Variants in SH3BGRL2 observed in about 807,000 individuals in gnomAD.
SH3BGRL2 encodes SH3 domain binding glutamate rich protein like 2.
A neutral mutation model predicts 14.8 loss-of-function variants in SH3BGRL2; 21 were observed. The observed-to-expected ratio is 1.42, with a 90% CI of 1.01 to 2.05. The LOEUF (loss-of-function observed/expected upper bound fraction) is 2.05, where lower values mean the gene tolerates loss of function less well. SH3BGRL2 is among the 30% of genes most tolerant of loss of function. The probability of loss-of-function intolerance (pLI) is 0.00; values close to 1 mark genes in which losing one functional copy is unlikely to be tolerated. For missense variants in SH3BGRL2, 147 were observed against 130.8 expected, an observed-to-expected ratio of 1.12 and a Z score of -0.61; for synonymous variants, 50 against 47.8, an observed-to-expected ratio of 1.05 and a Z score of -0.19.
intron 1 of SH3BGRL2, among the ~76,000 whole-genome samples, chr6:79,648,146 T>C (rs1769179369): frequency 6.6e-6 from 1 of 150,480 alleles, no homozygotes; most frequent in African/African-American, 2.4e-5. Context: ...AAAACTTCAC[T>C]GACCTTTCAG....
At chr6:79,599,929 G>T in the SH3BGRL2 span, among the ~76,000 whole-genome samples, 1 of 152,140 alleles carries the variant, frequency 6.6e-6, no homozygotes, top group Non-Finnish European at 1.5e-5. Flanking sequence ...CCTAATTAGC[G>T]AAAATGAGTT....
chr6:79,637,468 G>A lies in SH3BGRL2; in HGVS notation c.45+5962G>A, dbSNP rs1450555863. Among the ~76,000 whole-genome samples the A allele has an allele frequency of 3.3e-5, 5 of 152,126 alleles. No homozygotes were observed. In the South Asian group the frequency reaches 8.3e-4, roughly 25 times the overall value. On this transcript the variant is annotated intron_variant, in intron 1 of 3. Transcript: ENST00000369838. ...AGCACTTTGGGAGGCTGAGGCAGGT[G>A]GATCACGAGGTCAGGAGTTCGAGAC...
chr6:79,580,422 C>T, the SH3BGRL2 span, among the ~76,000 whole-genome samples: 1 of 152,132 alleles, frequency 6.6e-6, no homozygotes, highest in Non-Finnish European at 1.5e-5. Flanking sequence ...TGTAAAAGAA[C>T]AGAAATCACA....
At chr6:79,562,278 G>A in the SH3BGRL2 span, among the ~76,000 whole-genome samples, 2 of 152,008 alleles carry the variant, frequency 1.3e-5, no homozygotes, top group African/African-American at 4.8e-5. Context: ...TTTGTGAAAT[G>A]GAGAAGATAC....
intron 2 of SH3BGRL2, among the ~76,000 whole-genome samples, chr6:79,681,107 G>A (rs1452405946): frequency 6.6e-6 from 1 of 152,198 alleles, no homozygotes; most frequent in Non-Finnish European, 1.5e-5. Context: ...TTTGACTGAG[G>A]ATGCCATATC....
intron 1 of SH3BGRL2, among the ~76,000 whole-genome samples, chr6:79,651,578 T>C (rs1245752404): frequency 7.0e-6 from 1 of 143,624 alleles, no homozygotes; most frequent in African/African-American, 2.5e-5. Context: ...AGAAAGTAGT[T>C]AGAGCCACTT....
At chr6:79,692,326 A>G (rs891294719) in intron 2 of SH3BGRL2, among the ~76,000 whole-genome samples, 8 of 152,172 alleles carry the variant, frequency 5.3e-5, no homozygotes, top group African/African-American at 1.2e-4. Context: ...CTCTGATGGT[A>G]GTTTCTTTTG....
At chr6:79,671,055 T>C (rs1227674841) in intron 1 of SH3BGRL2, among the ~76,000 whole-genome samples, 2 of 152,126 alleles carry the variant, frequency 1.3e-5, no homozygotes, top group African/African-American at 4.8e-5. Flanking sequence ...GCCTTCTGTA[T>C]TTAGAAAGAG....
At chr6:79,651,174 T>A (rs1300230602) in intron 1 of SH3BGRL2, among the ~76,000 whole-genome samples, 1 of 152,182 alleles carries the variant, frequency 6.6e-6, no homozygotes, top group East Asian at 1.9e-4. Flanking sequence ...GCTGGAGTCC[T>A]GCAATTCTTG....
chr6:79,613,473 T>C, the SH3BGRL2 span, among the ~76,000 whole-genome samples: 1 of 152,212 alleles, frequency 6.6e-6, no homozygotes, highest in Admixed American at 6.5e-5. Context: ...AGTAGAGTTA[T>C]ACCCTTTCTC....
rs565755697 is a variant in SH3BGRL2 at position 79,671,180 on chromosome 6, G to T, written c.46-2434G>T. On this transcript the variant is annotated intron_variant, in intron 1 of 3. Coordinates refer to ENST00000369838, the MANE Select transcript of SH3BGRL2 (RefSeq NM_031469.4). ...TTCCACCCATGGATCAAATGACATA[G>T]ATGAGGTCAGGCACGGTGGCTCACG... is the stretch of plus-strand genomic sequence containing the variant. Among the ~76,000 whole-genome samples, 120 of 152,188 alleles carry T rather than the reference G, an allele frequency of 7.9e-4. 1 individual carries two copies. Among genetic ancestry groups the T allele is most frequent in the African/African-American group, 2.8e-3 (118 of 41,540 alleles).
the SH3BGRL2 span, among the ~76,000 whole-genome samples, chr6:79,551,851 A>AGGCC: frequency 2.0e-5 from 3 of 152,164 alleles, no homozygotes; most frequent in African/African-American, 7.2e-5. Flanking sequence ...GCACTTTGGG[A>AGGCC]GGCCAAGGTG....
chr6:79,698,136 G>A (rs754833205), intron 3 of SH3BGRL2, among the ~76,000 whole-genome samples: 8 of 152,080 alleles, frequency 5.3e-5, no homozygotes, highest in African/African-American at 1.7e-4. Flanking sequence ...TCAGCCCACC[G>A]TTTTCAGGGA....
chr6:79,604,096 C>T, the SH3BGRL2 span, among the ~76,000 whole-genome samples: 9 of 152,276 alleles, frequency 5.9e-5, no homozygotes, highest in South Asian at 6.2e-4. Flanking sequence ...TGAGCCACCA[C>T]GCCTGGCCTG....
the SH3BGRL2 span, among the ~76,000 whole-genome samples, chr6:79,559,211 C>G: frequency 2.8e-4 from 42 of 152,116 alleles, no homozygotes; most frequent in Admixed American, 2.8e-3. Context: ...CGCCTGTAAT[C>G]CCAGCACTTT....
At chr6:79,671,596 TA>T (rs142281520) in intron 1 of SH3BGRL2, among the ~76,000 whole-genome samples, 6 of 152,174 alleles carry the variant, frequency 3.9e-5, no homozygotes, top group Non-Finnish European at 8.8e-5. Context: ...GTGGGGAGAA[TA>T]AAAAAATTCA....
chr6:79,632,768 G>T (rs556840133), intron 1 of SH3BGRL2, among the ~76,000 whole-genome samples: 1 of 152,304 alleles, frequency 6.6e-6, no homozygotes, highest in East Asian at 1.9e-4. Flanking sequence ...TATTTGGGTT[G>T]CTTAGTCATG....
At chr6:79,584,456 A>T in the SH3BGRL2 span, among the ~76,000 whole-genome samples, 2 of 152,222 alleles carry the variant, frequency 1.3e-5, no homozygotes, top group Non-Finnish European at 2.9e-5. Context: ...GCAACACTGT[A>T]GACCTTCCTG....
At chr6:79,579,649 G>A in the SH3BGRL2 span, among the ~76,000 whole-genome samples, 2 of 152,116 alleles carry the variant, frequency 1.3e-5, no homozygotes, top group South Asian at 4.1e-4. Context: ...CCCGAAGGAA[G>A]CACTAAACAT....
Sources: allele counts gnomAD v4.1 joint callset (sites outside exome capture counted in the v4.1 genomes callset), GRCh38; gene constraint gnomAD v4.1.1; transcripts MANE v1.5; gene names NCBI Gene and HGNC (gene_info 2026-07-23, HGNC 2026-07-21).